SAMTOR: variants seen among roughly 807,000 people sequenced by gnomAD.
The protein encoded by SAMTOR is S-adenosylmethionine sensor upstream of mTORC1.
At chr7:112,882,326 G>A in the SAMTOR span, among the ~76,000 whole-genome samples, 1 of 152,208 alleles carries the variant, frequency 6.6e-6, no homozygotes, top group East Asian at 1.9e-4. Context: ...GCAAAACTTG[G>A]ACAAAGGCAC....
the SAMTOR span, among the ~76,000 whole-genome samples, chr7:112,852,777 CA>C: frequency 8.6e-5 from 13 of 151,912 alleles, no homozygotes; most frequent in Non-Finnish European, 4.4e-5. Context: ...TGTTAATATA[CA>C]TCTAACAGCA....
chr7:112,898,573 G>T, the SAMTOR span, among the ~76,000 whole-genome samples: 1 of 152,162 alleles, frequency 6.6e-6, no homozygotes, highest in African/African-American at 2.4e-5. Context: ...CCTCTGCCCT[G>T]GGGGGATGGA....
the SAMTOR span, among the ~76,000 whole-genome samples, chr7:112,855,341 T>G: frequency 2.6e-5 from 4 of 152,310 alleles, no homozygotes; most frequent in Middle Eastern, 0.014. Context: ...TACCACAAAC[T>G]TAACTTTAAA....
chr7:112,928,448 T>C, the SAMTOR span, among the ~76,000 whole-genome samples: 1 of 152,008 alleles, frequency 6.6e-6, no homozygotes, highest in Non-Finnish European at 1.5e-5. Context: ...TTATACATAC[T>C]GTCTATTAAA....
the SAMTOR span, among the ~76,000 whole-genome samples, chr7:112,902,449 C>CAAAA: frequency 1.8e-5 from 1 of 54,932 alleles, no homozygotes; most frequent in Non-Finnish European, 3.3e-5. Context: ...CAAAAAAAAA[C>CAAAA]AAAAAAAAAA....
chr7:112,836,601 T>G, the SAMTOR span, among the ~76,000 whole-genome samples: 2 of 152,188 alleles, frequency 1.3e-5, no homozygotes, highest in African/African-American at 4.8e-5. Flanking sequence ...TTTTCTAGTT[T>G]AACATTTAAG....
the SAMTOR span, among the ~76,000 whole-genome samples, chr7:112,915,024 A>C: frequency 2.0e-5 from 3 of 152,032 alleles, no homozygotes; most frequent in Non-Finnish European, 4.4e-5. Flanking sequence ...GCAGGTCACG[A>C]GGTCAGGAGT....
At chr7:112,867,880 G>A in the SAMTOR span, among the ~76,000 whole-genome samples, 1 of 152,218 alleles carries the variant, frequency 6.6e-6, no homozygotes, top group Non-Finnish European at 1.5e-5. Flanking sequence ...TAGGAACCGG[G>A]CTGCATAGCA....
chr7:112,914,494 T>A, the SAMTOR span, among the ~76,000 whole-genome samples: 770 of 152,204 alleles, frequency 5.1e-3, 1 homozygote, highest in Non-Finnish European at 7.6e-3. Flanking sequence ...ATAAGCATTA[T>A]TTCATTTTCT....
chr7:112,913,511 A>G, the SAMTOR span, among the ~76,000 whole-genome samples: 1 of 152,224 alleles, frequency 6.6e-6, no homozygotes, highest in Non-Finnish European at 1.5e-5. Flanking sequence ...TCTGTTCTTA[A>G]CACAGAAATT....
chr7:112,938,450 T>G, the SAMTOR span, among the ~76,000 whole-genome samples: 1 of 152,234 alleles, frequency 6.6e-6, no homozygotes, highest in Non-Finnish European at 1.5e-5. Context: ...TAGTTTTAAC[T>G]TTCTAGAGTA....
At chr7:112,865,144 T>C in the SAMTOR span, among the ~76,000 whole-genome samples, 2 of 152,190 alleles carry the variant, frequency 1.3e-5, no homozygotes, top group Non-Finnish European at 2.9e-5. Context: ...CTCTTAATTT[T>C]AAAATTTTAA....
chr7:112,819,714 G>A, the SAMTOR span: 2 of 152,480 alleles, frequency 1.3e-5, no homozygotes, highest in South Asian at 2.1e-4. Flanking sequence ...ATCAACATCT[G>A]TAAACAATCA....
chr7:112,931,699 T>C, the SAMTOR span, among the ~76,000 whole-genome samples: 1 of 152,224 alleles, frequency 6.6e-6, no homozygotes, highest in Non-Finnish European at 1.5e-5. Flanking sequence ...GATACTCACA[T>C]GCTGCTCTAA....
At chr7:112,880,354 T>A in the SAMTOR span, among the ~76,000 whole-genome samples, 9 of 152,292 alleles carry the variant, frequency 5.9e-5, 1 homozygote, top group African/African-American at 2.2e-4. Context: ...CATACAGTAT[T>A]TCTTTTATAG....
chr7:112,828,123 T>C, the SAMTOR span, among the ~76,000 whole-genome samples: 2 of 152,234 alleles, frequency 1.3e-5, no homozygotes, highest in African/African-American at 2.4e-5. Context: ...TATGCTACTG[T>C]CATAAATGTT....
the SAMTOR span, among the ~76,000 whole-genome samples, chr7:112,913,301 T>C: frequency 6.6e-6 from 1 of 152,172 alleles, no homozygotes; most frequent in African/African-American, 2.4e-5. Flanking sequence ...TTCCCTTACA[T>C]ATCATAATCA....
At chr7:112,852,954 C>CT in the SAMTOR span, among the ~76,000 whole-genome samples, 1 of 151,996 alleles carries the variant, frequency 6.6e-6, no homozygotes, top group East Asian at 1.9e-4. Context: ...AAAAGACTCT[C>CT]TAAAGGACAA....
the SAMTOR span, among the ~76,000 whole-genome samples, chr7:112,844,517 AATG>A: frequency 6.6e-6 from 1 of 152,150 alleles, no homozygotes; most frequent in Non-Finnish European, 1.5e-5. Flanking sequence ...GCATAAAAAG[AATG>A]AAATACCTAG....
Sources: allele counts gnomAD v4.1 joint callset (sites outside exome capture counted in the v4.1 genomes callset), GRCh38; gene constraint gnomAD v4.1.1; transcripts MANE v1.5; gene names NCBI Gene and HGNC (gene_info 2026-07-23, HGNC 2026-07-21).